The following GALNT10 variants were observed in gnomAD, a reference collection of about 807,000 sequenced individuals.
GALNT10 encodes the protein GalNAc transferase 10.
GALNT10 carries 41 observed loss-of-function variants against 75.0 expected under a neutral mutation model. The ratio of observed to expected loss-of-function variants is 0.55; its 90% CI spans 0.43 to 0.71. GALNT10 has a LOEUF of 0.71. Ranked by LOEUF, GALNT10 falls within the 30% of genes least tolerant of loss-of-function variation. GALNT10 has a pLI of 0.00. For synonymous variants in GALNT10, 302 were observed against 313.0 expected (o/e 0.96, Z 0.37); for missense variants, 727 against 818.5 (o/e 0.89, Z 1.36).
At chr5:154,328,096 G>A (rs1754783872) in intron 3 of GALNT10, among the ~76,000 whole-genome samples, 1 of 151,700 alleles carries the variant, frequency 6.6e-6, no homozygotes, top group African/African-American at 2.4e-5. Context: ...AAAAAAAAAG[G>A]AGGGCAGAAG....
intron 4 of GALNT10, chr5:154,356,256 C>T (rs970017222): frequency 2.2e-5 from 10 of 452,792 alleles, no homozygotes; most frequent in Non-Finnish European, 3.5e-5. Context: ...CTTCTGCACC[C>T]GTTGCTTTTG....
intron 7 of GALNT10, among the ~76,000 whole-genome samples, chr5:154,395,015 G>A (rs1417200076): frequency 6.6e-6 from 1 of 152,206 alleles, no homozygotes; most frequent in African/African-American, 2.4e-5. Context: ...CCTGCCTGTG[G>A]AGCCTGCTTC....
At chr5:154,315,218 G>A (rs1754579548) in intron 3 of GALNT10, among the ~76,000 whole-genome samples, 1 of 152,320 alleles carries the variant, frequency 6.6e-6, no homozygotes, top group Admixed American at 6.5e-5. Flanking sequence ...TTAGAGATAG[G>A]ACAGAATTCC....
chr5:154,341,298 A>G lies in GALNT10; in HGVS notation c.568+11560A>G, dbSNP rs536126543. ...TAAAATTATTTTATCTGCTTACTTT[A>G]TAAATGCAGACCTCTTCAGAGATGC... is the stretch of plus-strand genomic sequence containing the variant. On this transcript the variant is annotated intron_variant, in intron 4 of 11. Transcript: ENST00000297107. 2.0e-5 allele frequency among the ~76,000 whole-genome samples: 3 copies of G among 152,324 alleles called. No individual in the cohort carries two copies. In the East Asian group the frequency reaches 5.8e-4, roughly 29 times the overall value.
chr5:154,337,073 C>A (rs1250575692), intron 4 of GALNT10, among the ~76,000 whole-genome samples: 2 of 152,160 alleles, frequency 1.3e-5, no homozygotes, highest in Non-Finnish European at 2.9e-5. Flanking sequence ...GCTTTACATG[C>A]TTTTTCCCCC....
chr5:154,312,392 G>T (rs1289208276), intron 3 of GALNT10, among the ~76,000 whole-genome samples: 2 of 152,144 alleles, frequency 1.3e-5, no homozygotes, highest in Admixed American at 1.3e-4. Context: ...TCCTAAGTCT[G>T]CCTGGGTAAT....
intron 3 of GALNT10, among the ~76,000 whole-genome samples, chr5:154,323,960 G>A (rs957195973): frequency 1.3e-5 from 2 of 152,230 alleles, no homozygotes; most frequent in African/African-American, 4.8e-5. Context: ...GTGAAATGAG[G>A]ATAGAAGCCC....
chr5:154,299,177 A>G (rs201568001), intron 3 of GALNT10, among the ~76,000 whole-genome samples: 3 of 152,344 alleles, frequency 2.0e-5, no homozygotes, highest in East Asian at 3.9e-4. Context: ...CAGCAATATC[A>G]GCATCACCTA....
At chr5:154,246,947 A>G (rs1291789466) in intron 1 of GALNT10, among the ~76,000 whole-genome samples, 1 of 152,180 alleles carries the variant, frequency 6.6e-6, no homozygotes, top group African/African-American at 2.4e-5. Flanking sequence ...TTTTAGGTCT[A>G]ACATTTAAGT....
At chr5:154,256,619 G>A (rs1179257972) in intron 1 of GALNT10, among the ~76,000 whole-genome samples, 2 of 152,048 alleles carry the variant, frequency 1.3e-5, no homozygotes, top group Non-Finnish European at 2.9e-5. Context: ...ATTAGGAGTA[G>A]GCAATTCTGT....
At chr5:154,312,643 T>G (rs1581968596) in intron 3 of GALNT10, among the ~76,000 whole-genome samples, 1 of 152,224 alleles carries the variant, frequency 6.6e-6, no homozygotes, top group Non-Finnish European at 1.5e-5. Flanking sequence ...TAGACAGACA[T>G]ACAGGTCATT....
Position 154,404,166 on chromosome 5 carries a change from G to A in GALNT10, c.1119G>A (p.Arg373=). 1 of 1,612,976 alleles carries A rather than the reference G, an allele frequency of 6.2e-7. No homozygotes were observed. The highest frequency in any genetic ancestry group is 8.5e-7 in the Non-Finnish European group (1 of 1,179,314). Residue 373 remains arginine (R), a synonymous_variant, in exon 8 of 12, where the codon AGG becomes AGA. Coordinates refer to ENST00000297107, the MANE Select transcript of GALNT10 (RefSeq NM_198321.4). ...IPCSRVGHIY[R]KYVPYKVPAG... is the part of the protein sequence containing the mutation. Reference sequence around the variant, plus strand: ...GCTCCAGGGTGGGCCATATCTACAGGAAGTATGTGCCCTACAAGGTCCCGG... The same window carrying A: ...GCTCCAGGGTGGGCCATATCTACAGAAAGTATGTGCCCTACAAGGTCCCGG...
chr5:154,193,302 C>T (rs17115711), intron 1 of GALNT10, among the ~76,000 whole-genome samples: 10,156 of 152,252 alleles, frequency 0.067, 691 homozygotes, highest in African/African-American at 0.17. Context: ...CTTTCAAGAA[C>T]GCCCTGCCAA....
chr5:154,227,990 C>A lies in GALNT10; in HGVS notation c.159+36965C>A, dbSNP rs144265104. 3.1e-3 allele frequency among the ~76,000 whole-genome samples: 474 copies of A among 152,190 alleles called. 2 individuals carry two copies. The highest frequency in any genetic ancestry group is 0.011 in the African/African-American group (457 of 41,510). Reference sequence around the variant, plus strand: ...CTGTCTTCATGATAGTGAGTTCTTGCAAGATCTGGTTGTTTAAAACTGTGT... The same window carrying A: ...CTGTCTTCATGATAGTGAGTTCTTGAAAGATCTGGTTGTTTAAAACTGTGT... On this transcript the variant is annotated intron_variant, in intron 1 of 11. Transcript: ENST00000297107.
intron 5 of GALNT10, among the ~76,000 whole-genome samples, chr5:154,377,743 G>C (rs1027669494): frequency 6.6e-5 from 10 of 152,150 alleles, no homozygotes; most frequent in Non-Finnish European, 1.3e-4. Context: ...CTGACCCCAA[G>C]GGTCTACGAT....
chr5:154,412,664 C>G lies in GALNT10; in HGVS notation c.1387-225C>G, dbSNP rs1369428089. 1.2e-5 allele frequency: 6 copies of G among 482,438 alleles called. No individual in the cohort carries two copies. Among genetic ancestry groups the G allele is most frequent in the Admixed American group, 3.3e-5 (1 of 30,742 alleles). 29.9% of individuals were successfully genotyped at this position (482,438 alleles called of 1,614,324 possible). ...CCAACCCAGGACTCTGCATACTCTACAATACTACTTACAGCAGTGCTTTAA... is the reference window on the plus strand; with the variant it reads ...CCAACCCAGGACTCTGCATACTCTAGAATACTACTTACAGCAGTGCTTTAA... On this transcript the variant is annotated intron_variant, in intron 9 of 11. Coordinates refer to ENST00000297107, the MANE Select transcript of GALNT10 (RefSeq NM_198321.4). The surrounding 1 kb of genome is among the most constrained non-coding windows in gnomAD (Gnocchi z 4.2).
intron 1 of GALNT10, among the ~76,000 whole-genome samples, chr5:154,252,111 T>G (rs1581939613): frequency 1.3e-5 from 2 of 152,152 alleles, no homozygotes; most frequent in African/African-American, 2.4e-5. Flanking sequence ...ATAGCAATAC[T>G]AATGCTACCG....
Position 154,190,968 on chromosome 5 carries a change from G to T in GALNT10, c.102G>T (p.Arg34=). Residue 34 remains arginine, a synonymous_variant, in exon 1 of 12, where the codon CGG becomes CGT. Transcript: ENST00000297107. ...GGCTTTGGGCGCTGTACCGCGAGCG[G>T]CAGCCCGACGGCACCCCTGGGGGAT... ...NVGLWALYRE[R]QPDGTPGGSG... 6.6e-7 allele frequency: 1 copy of T among 1,507,382 alleles called. No individual in the cohort carries two copies. The highest frequency in any genetic ancestry group is 1.2e-5 in the South Asian group (1 of 81,436). The allele number at this position is 1,507,382 out of a possible 1,614,324, so 93.4% of individuals were successfully genotyped here.
At chr5:154,365,969 T>C (rs1306939298) in intron 4 of GALNT10, among the ~76,000 whole-genome samples, 1 of 152,204 alleles carries the variant, frequency 6.6e-6, no homozygotes, top group Admixed American at 6.5e-5. Context: ...TCTCCTCCCA[T>C]GCTTGCCACT....
Sources: allele counts gnomAD v4.1 joint callset (sites outside exome capture counted in the v4.1 genomes callset), GRCh38; gene constraint gnomAD v4.1.1; non-coding constraint Gnocchi (gnomAD v3.1); transcripts MANE v1.5; gene names NCBI Gene and HGNC (gene_info 2026-07-23, HGNC 2026-07-21).